FRAS1: variants seen among roughly 807,000 people sequenced by gnomAD.
The protein encoded by FRAS1 is extracellular matrix organizing protein FRAS1.
In FRAS1, 290 loss-of-function variants were observed where a neutral mutation model predicts 435.2. That is an observed-to-expected ratio of 0.67 (90% CI 0.61 to 0.73). The LOEUF (loss-of-function observed/expected upper bound fraction) is 0.73, where lower values mean the gene tolerates loss of function less well. Ranked by LOEUF, FRAS1 falls within the 30% of genes least tolerant of loss-of-function variation. The pLI, the probability that FRAS1 is intolerant of heterozygous loss-of-function variation, is 0.00. For synonymous variants in FRAS1, 1,800 were observed against 1,851.0 expected (o/e 0.97, Z 0.71); for missense variants, 4,860 against 5,001.5 (o/e 0.97, Z 0.85).
intron 2 of FRAS1, among the ~76,000 whole-genome samples, chr4:78,102,442 T>C (rs748584916): frequency 5.2e-4 from 79 of 152,206 alleles, no homozygotes; most frequent in Non-Finnish European, 9.4e-4. Flanking sequence ...ACCCATATGC[T>C]AATTGGATTT....
At chr4:78,192,810 A>G (rs1251285000) in intron 2 of FRAS1, among the ~76,000 whole-genome samples, 2 of 151,980 alleles carry the variant, frequency 1.3e-5, no homozygotes, top group South Asian at 2.1e-4. Context: ...CTTGCCTTCT[A>G]ATAGCTTTTG....
intron 2 of FRAS1, among the ~76,000 whole-genome samples, chr4:78,165,708 G>A (rs1721307285): frequency 6.6e-6 from 1 of 152,168 alleles, no homozygotes; most frequent in African/African-American, 2.4e-5. Context: ...TAGCAAGTTG[G>A]CTAGGGGTTG....
intron 14 of FRAS1, among the ~76,000 whole-genome samples, chr4:78,306,205 G>C (rs1366543016): frequency 6.6e-6 from 1 of 151,800 alleles, no homozygotes; most frequent in African/African-American, 2.4e-5. Flanking sequence ...CTCTCTTCTG[G>C]CTTGTAGAGT....
intron 2 of FRAS1, among the ~76,000 whole-genome samples, chr4:78,182,352 G>A (rs1386139599): frequency 2.0e-5 from 3 of 152,174 alleles, no homozygotes; most frequent in African/African-American, 7.2e-5. Flanking sequence ...CCCATACTGA[G>A]GCCAGATAAG....
At chr4:78,432,981 T>C (rs751086839) in intron 38 of FRAS1, among the ~76,000 whole-genome samples, 12 of 152,206 alleles carry the variant, frequency 7.9e-5, no homozygotes, top group Admixed American at 5.2e-4. Flanking sequence ...TAGTAGGTAA[T>C]GATGTTTCAC....
intron 18 of FRAS1, among the ~76,000 whole-genome samples, chr4:78,322,599 T>C (rs542981964): frequency 4.6e-5 from 7 of 150,592 alleles, no homozygotes; most frequent in African/African-American, 1.8e-4. Context: ...ACTTAGACAC[T>C]GAAGTGGTGT....
chr4:78,517,972 C>G (rs1364769385), intron 66 of FRAS1, among the ~76,000 whole-genome samples: 1 of 151,942 alleles, frequency 6.6e-6, no homozygotes, highest in Non-Finnish European at 1.5e-5. Context: ...AAAAGAGGGG[C>G]TGGGAACAGT....
intron 14 of FRAS1, among the ~76,000 whole-genome samples, chr4:78,302,079 C>G (rs1187773573): frequency 2.0e-5 from 3 of 151,272 alleles, no homozygotes; most frequent in Non-Finnish European, 4.4e-5. Flanking sequence ...TGTTCAATTC[C>G]CACCTATGAG....
chr4:78,422,131 T>A, intron 34 of FRAS1, 131 bp downstream of exon 34: 2 of 940,802 alleles, frequency 2.1e-6, no homozygotes, highest in Non-Finnish European at 3.0e-6. Flanking sequence ...CAAAATAGCT[T>A]GAGACCTGTC....
At chr4:78,346,859 G>C (rs1358034780) in intron 20 of FRAS1, among the ~76,000 whole-genome samples, 1 of 152,082 alleles carries the variant, frequency 6.6e-6, no homozygotes, top group Non-Finnish European at 1.5e-5. Context: ...TCTCCACTCA[G>C]GTGTTTCCTC....
In FRAS1 at chr4:78,394,366, A is replaced by G. The variant is rs1732570464; in HGVS notation, c.3976-6368A>G. Among the ~76,000 whole-genome samples the G allele has an allele frequency of 2.0e-5, 3 of 151,706 alleles. No homozygotes were observed. In the South Asian group the frequency reaches 6.2e-4, roughly 32 times the overall value. On this transcript the variant is annotated intron_variant, in intron 29 of 73. Coordinates refer to ENST00000512123, the MANE Select transcript of FRAS1 (RefSeq NM_025074.7). ...TTCAGGTCTTCTGTTTAAGTCTTTA[A>G]CCCATTTTGAGTTGATTTTTGTGTA...
intron 2 of FRAS1, among the ~76,000 whole-genome samples, chr4:78,191,861 G>A (rs62308039): frequency 0.34 from 51,992 of 151,956 alleles, 8,965 homozygotes; most frequent in African/African-American, 0.37. Context: ...TCCCTACAAA[G>A]GACATGAACT....
chr4:78,131,652 G>A (rs1578144368), intron 2 of FRAS1, among the ~76,000 whole-genome samples: 1 of 152,190 alleles, frequency 6.6e-6, no homozygotes, highest in African/African-American at 2.4e-5. Flanking sequence ...GTTAGTGTTA[G>A]GAGGGTGTGT....
At chr4:78,464,877 C>A (rs1290017992) in intron 49 of FRAS1, among the ~76,000 whole-genome samples, 2 of 152,144 alleles carry the variant, frequency 1.3e-5, no homozygotes, top group African/African-American at 4.8e-5. Context: ...TTACAGAAAA[C>A]CAGGTAGATG....
intron 2 of FRAS1, among the ~76,000 whole-genome samples, chr4:78,121,930 A>G (rs1159844805): frequency 3.3e-5 from 5 of 152,186 alleles, no homozygotes; most frequent in Admixed American, 3.3e-4. Flanking sequence ...TTAGACGACA[A>G]TCAAGACTCT....
chr4:78,381,971 GTC>G (rs754720395), intron 27 of FRAS1, among the ~76,000 whole-genome samples: 1 of 152,162 alleles, frequency 6.6e-6, no homozygotes, highest in South Asian at 2.1e-4. Flanking sequence ...AATTATTGAA[GTC>G]TCTGAATAAT....
intron 40 of FRAS1, among the ~76,000 whole-genome samples, chr4:78,440,673 C>T (rs555803865): frequency 6.6e-6 from 1 of 152,304 alleles, no homozygotes; most frequent in Admixed American, 6.5e-5. Context: ...TATGGTGAAC[C>T]TTTCTTGCTA....
In FRAS1 at chr4:78,122,129, C is replaced by A. The variant is rs534006083; in HGVS notation, c.108+56113C>A. On this transcript the variant is annotated intron_variant, in intron 2 of 73. Coordinates refer to ENST00000512123, the MANE Select transcript of FRAS1 (RefSeq NM_025074.7). The stretch of plus-strand genomic sequence containing the variant: ...TCTCCTAATGTTATCTATCCCCTAG[C>A]CCCCCATCCCCCACAGGCCCCAGTG... Among the ~76,000 whole-genome samples, 12 of 152,134 alleles carry A rather than the reference C, an allele frequency of 7.9e-5. No individual in the cohort carries two copies. The South Asian group carries it at 2.1e-3, about 26-fold the overall frequency.
chr4:78,472,287 G>A lies in FRAS1; in HGVS notation c.7479G>A (p.Glu2493=). The change falls in exon 52 of 74, where the codon GAG becomes GAA. Residue 2493 remains glutamate (E), a synonymous_variant. Transcript: ENST00000512123. ...ITTGPKHGFV[E]NKLQPGRAAA... is the part of the protein sequence containing the mutation. ...CGGGCCCTAAGCATGGCTTTGTGGAGAACAAGCTGCAGCCTGGCAGAGCTG... is the reference window on the plus strand; with the variant it reads ...CGGGCCCTAAGCATGGCTTTGTGGAAAACAAGCTGCAGCCTGGCAGAGCTG... 1 of 1,611,040 alleles carries A rather than the reference G, an allele frequency of 6.2e-7. No individual in the cohort carries two copies. Among genetic ancestry groups the A allele is most frequent in the Non-Finnish European group, 8.5e-7 (1 of 1,178,104 alleles).
Sources: allele counts gnomAD v4.1 joint callset (sites outside exome capture counted in the v4.1 genomes callset), GRCh38; gene constraint gnomAD v4.1.1; transcripts MANE v1.5; gene names NCBI Gene and HGNC (gene_info 2026-07-23, HGNC 2026-07-21).